The following TUSC3 variants were observed in gnomAD, a reference collection of about 807,000 sequenced individuals.
The protein encoded by TUSC3 is tumor suppressor candidate 3, also known as dolichyl-diphosphooligosaccharide--protein glycosyltransferase subunit TUSC3.
A neutral mutation model predicts 44.8 loss-of-function variants in TUSC3; 45 were observed. That is an observed-to-expected ratio of 1.00 (90% confidence interval 0.79 to 1.29). TUSC3 has a LOEUF of 1.29. TUSC3 is among the 50% of genes most tolerant of loss of function. TUSC3 has a pLI of 0.00. For missense variants in TUSC3, 519 were observed against 437.9 expected (o/e 1.19, Z -1.65); for synonymous variants, 212 against 152.9 (o/e 1.39, Z -2.85).
At chr8:15,430,945 C>G (rs1799866179) in intron 1 of TUSC3, among the ~76,000 whole-genome samples, 1 of 151,774 alleles carries the variant, frequency 6.6e-6, no homozygotes, top group African/African-American at 2.4e-5. Flanking sequence ...TGTTGACTGT[C>G]CTTTCCCCAT....
chr8:15,790,475 G>T, the TUSC3 span, among the ~76,000 whole-genome samples: 2 of 152,210 alleles, frequency 1.3e-5, no homozygotes, highest in South Asian at 4.1e-4. Context: ...GAGCCACCAT[G>T]CCCGGCCTCA....
At chr8:15,731,870 A>G (rs1810739317) in intron 7 of TUSC3, among the ~76,000 whole-genome samples, 2 of 152,090 alleles carry the variant, frequency 1.3e-5, no homozygotes, top group South Asian at 2.1e-4. Flanking sequence ...CAAGCAACCT[A>G]TTTTATTTGC....
At chr8:15,760,135 T>G (rs1445615961) in intron 10 of TUSC3, among the ~76,000 whole-genome samples, 1 of 152,130 alleles carries the variant, frequency 6.6e-6, no homozygotes, top group East Asian at 1.9e-4. Context: ...ATGTTGCTTC[T>G]TCATTAAAAT....
At chr8:15,515,307 AATACT>A (rs150098566) in intron 2 of TUSC3, among the ~76,000 whole-genome samples, 1 of 152,324 alleles carries the variant, frequency 6.6e-6, no homozygotes, top group East Asian at 1.9e-4. Flanking sequence ...GTGACACAAC[AATACT>A]ACCAAAATTA....
intron 1 of TUSC3, among the ~76,000 whole-genome samples, chr8:15,432,244 T>G (rs995126215): frequency 6.6e-6 from 1 of 152,132 alleles, no homozygotes; most frequent in African/African-American, 2.4e-5. Context: ...TTTTAGGCTT[T>G]TTGTTGTTGT....
At chr8:15,516,285 T>C (rs1401895264) in intron 2 of TUSC3, among the ~76,000 whole-genome samples, 1 of 152,206 alleles carries the variant, frequency 6.6e-6, no homozygotes, top group Non-Finnish European at 1.5e-5. Context: ...TAATTTGTGG[T>C]TTATTTCAAG....
chr8:15,440,885 C>T (rs956918355), intron 1 of TUSC3, among the ~76,000 whole-genome samples: 1 of 152,086 alleles, frequency 6.6e-6, no homozygotes, highest in Non-Finnish European at 1.5e-5. Flanking sequence ...AGAGAGCTTG[C>T]TTGAGGATAA....
At position 15,423,969 on chromosome 8, in the gene TUSC3, GTTTTTTTTTTTTTTTTTTT is replaced by G. The variant is rs112397215; in HGVS notation, n.91+6684_91+6702del. Among the ~76,000 whole-genome samples, 14 of 70,392 alleles carry G rather than the reference GTTTTTTTTTTTTTTTTTTT, an allele frequency of 2.0e-4. No homozygotes were observed. The East Asian group carries it at 4.4e-3, about 22-fold the overall frequency. The allele number at this position is 70,392 out of a possible 152,430, so 46.2% of individuals were successfully genotyped here. On this transcript the variant is annotated intron_variant and non_coding_transcript_variant, in intron 1 of 5. Transcript: ENST00000503191. ...TACAGCATTCATACTGTTTTGCTTT[GTTTTTTTTTTTTTTTTTTT>G]TTTTTTTTTTTTTTTTTTTGAGAAG... is the stretch of plus-strand genomic sequence containing the variant.
intron 1 of TUSC3, among the ~76,000 whole-genome samples, chr8:15,562,582 A>G (rs1802517694): frequency 1.3e-5 from 2 of 152,170 alleles, no homozygotes; most frequent in Admixed American, 6.5e-5. Context: ...TTAGGAGGCC[A>G]AAATTAAGGT....
At chr8:15,514,347 CAT>C (rs1801185610) in intron 2 of TUSC3, among the ~76,000 whole-genome samples, 1 of 152,102 alleles carries the variant, frequency 6.6e-6, no homozygotes, top group East Asian at 1.9e-4. Context: ...GTTTTCATAA[CAT>C]TGTGCAAAGA....
chr8:15,621,618 A>C (rs902374778), intron 1 of TUSC3, among the ~76,000 whole-genome samples: 1 of 148,014 alleles, frequency 6.8e-6, no homozygotes, highest in Non-Finnish European at 1.5e-5. Flanking sequence ...AATTATACAT[A>C]AATATTATAT....
At chr8:15,498,864 A>G (rs1800917064) in intron 2 of TUSC3, among the ~76,000 whole-genome samples, 1 of 152,202 alleles carries the variant, frequency 6.6e-6, no homozygotes, top group Non-Finnish European at 1.5e-5. Context: ...ACAATTGTGT[A>G]TAGTCTAATC....
chr8:15,632,307 C>G (rs1805809243), intron 2 of TUSC3, among the ~76,000 whole-genome samples: 1 of 152,046 alleles, frequency 6.6e-6, no homozygotes, highest in Non-Finnish European at 1.5e-5. Context: ...TTTATAGTGT[C>G]CCATGCTCTG....
intron 7 of TUSC3, 29 bp from the exon 8 acceptor site, chr8:15,743,509 G>A (rs1329643516): frequency 1.2e-6 from 2 of 1,611,944 alleles, no homozygotes; most frequent in East Asian, 4.5e-5. Context: ...TCACATCTAT[G>A]TCTACGGCTT....
chr8:15,431,569 C>A (rs1799874062), intron 1 of TUSC3, among the ~76,000 whole-genome samples: 1 of 150,826 alleles, frequency 6.6e-6, no homozygotes, highest in Admixed American at 6.6e-5. Flanking sequence ...TTTAACAGTG[C>A]TTGGCAAACT....
chr8:15,517,401 T>G (rs1185786951), intron 2 of TUSC3, among the ~76,000 whole-genome samples: 1 of 151,806 alleles, frequency 6.6e-6, no homozygotes, highest in Non-Finnish European at 1.5e-5. Context: ...ACACACAGAC[T>G]TACAAAGTCA....
intron 1 of TUSC3, among the ~76,000 whole-genome samples, chr8:15,606,181 G>C (rs1804517505): frequency 6.6e-6 from 1 of 152,030 alleles, no homozygotes; most frequent in Non-Finnish European, 1.5e-5. Flanking sequence ...ATTGAGATCT[G>C]TACCTGTGGT....
At chr8:15,740,688 G>T (rs1811154603) in intron 7 of TUSC3, among the ~76,000 whole-genome samples, 1 of 152,134 alleles carries the variant, frequency 6.6e-6, no homozygotes, top group Admixed American at 6.6e-5. Context: ...AAGAAAACTT[G>T]AACTAACATT....
intron 2 of TUSC3, among the ~76,000 whole-genome samples, chr8:15,503,417 C>CT (rs1041449776): frequency 6.6e-5 from 10 of 151,836 alleles, no homozygotes; most frequent in South Asian, 4.2e-4. Flanking sequence ...ACTTGACATA[C>CT]TTTTTTTTTC....
Sources: allele counts gnomAD v4.1 joint callset (sites outside exome capture counted in the v4.1 genomes callset), GRCh38; gene constraint gnomAD v4.1.1; transcripts MANE v1.5; gene names NCBI Gene and HGNC (gene_info 2026-07-23, HGNC 2026-07-21).